The following DENND2D variants were observed in gnomAD, a reference collection of about 807,000 sequenced individuals.
DENND2D encodes the protein DENN domain-containing protein 2D.
Under a neutral mutation model 59.8 loss-of-function variants are expected in DENND2D, and 37 were observed. The ratio of observed to expected loss-of-function variants is 0.62; its 90% confidence interval spans 0.48 to 0.81. The LOEUF (loss-of-function observed/expected upper bound fraction) is 0.81. Ranked by LOEUF, DENND2D falls within the 40% of genes least tolerant of loss-of-function variation. The probability of loss-of-function intolerance (pLI) is 0.00; values close to 1 mark genes in which losing one functional copy is unlikely to be tolerated. For synonymous variants in DENND2D, 219 were observed against 211.3 expected (o/e 1.04, Z -0.31); for missense variants, 525 against 579.7 (o/e 0.91, Z 0.97).
chr1:111,200,086 T>C, intron 1 of DENND2D: 1 of 549,092 alleles, frequency 1.8e-6, no homozygotes, highest in Non-Finnish European at 3.2e-6. Context: ...GGCCCCAGGG[T>C]ACCACAGAGA....
At position 111,195,933 on chromosome 1, in the gene DENND2D, G is replaced by A; in HGVS notation, c.628C>T (p.Pro210Ser). The change falls in exon 6 of 12, where the codon CCC (proline) becomes TCC (serine). Residue 210 changes from proline to serine, a missense_variant. Physicochemically the swap from Pro to Ser is moderately conservative, Grantham distance 74. This residue lies in a region of DENND2D where 47 missense variants were observed against 80.9 expected (regional missense o/e 0.58). Transcript: ENST00000357640. ...GKTVTLKSFI[P>S]DSGTEFISLT... is the part of the protein sequence containing the mutation. ...TAACCCACCTCAGTGCCTGAGTCGG[G>A]GATGAAGCTCTTGAGAGTGACAGTC... 1 of 1,614,086 alleles carries A rather than the reference G, an allele frequency of 6.2e-7. No individual in the cohort carries two copies. Among genetic ancestry groups the A allele is most frequent in the Non-Finnish European group, 8.5e-7 (1 of 1,180,012 alleles).
chr1:111,201,067 A>T (rs1000014248), upstream of DENND2D: 1 of 155,634 alleles, frequency 6.4e-6, no homozygotes, highest in African/African-American at 2.4e-5. Context: ...CACATGGCCA[A>T]ACACTTTCTG....
rs533811271 is a variant in DENND2D, at chr1:111,197,572, G to C, written c.427-319C>G. 3.7e-6 allele frequency: 5 copies of C among 1,359,254 alleles called. No individual in the cohort carries two copies. In the South Asian group the frequency reaches 6.8e-5, roughly 19 times the overall value. 84.2% of individuals were successfully genotyped at this position (1,359,254 alleles called of 1,614,324 possible). A position where few individuals can be genotyped will look rare whatever the true frequency, so the allele number is the denominator to read the frequency against. On this transcript the variant is annotated intron_variant, in intron 4 of 11. Coordinates refer to ENST00000357640, the MANE Select transcript of DENND2D (RefSeq NM_024901.5). The stretch of plus-strand genomic sequence containing the variant: ...AAGGTGACTTGGGGAATCCTCCTGA[G>C]ACCTAAGATTTGAAACTAATTGTCC...
chr1:111,189,442 T>C lies in DENND2D; in HGVS notation c.973-189A>G, dbSNP rs1025137715. The C allele has an allele frequency of 8.1e-6, 5 of 616,016 alleles. No homozygotes were observed. In the African/African-American group the frequency reaches 9.3e-5, roughly 11 times the overall value. The allele number at this position is 616,016 out of a possible 1,614,324, so 38.2% of individuals were successfully genotyped here. On this transcript the variant is annotated intron_variant, in intron 8 of 11. Transcript: ENST00000357640. ...TTCCCCTCTGGAGATCTCAGTTCCA[T>C]TCCTGAGGAAAGGGTGTGGGTGTTT...
intron 1 of DENND2D, 198 bp from the exon 2 acceptor site, chr1:111,199,996 C>A (rs528923994): frequency 1.3e-4 from 83 of 658,400 alleles, no homozygotes; most frequent in African/African-American, 1.2e-3. Context: ...AGACTTGAAA[C>A]CATGGGGAGC....
At chr1:111,196,175 G>A in intron 5 of DENND2D, 119 bp from the exon 6 acceptor site, 3 of 1,307,488 alleles carry the variant, frequency 2.3e-6, no homozygotes, top group Non-Finnish European at 2.0e-6. Flanking sequence ...TGATCCTCAT[G>A]TATCTTCTAG....
chr1:111,203,375 C>T (rs1658995298), upstream of DENND2D, among the ~76,000 whole-genome samples: 1 of 152,202 alleles, frequency 6.6e-6, no homozygotes, highest in Admixed American at 6.5e-5. Flanking sequence ...TTGGAAAGGG[C>T]AGGTTGTCTG....
chr1:111,187,386 C>G lies in DENND2D; in HGVS notation c.*219G>C, dbSNP rs1657318584. The G allele has an allele frequency of 1.8e-6, 1 of 554,434 alleles. No homozygotes were observed. Among genetic ancestry groups the G allele is most frequent in the Admixed American group, 3.1e-5 (1 of 32,622 alleles). The allele number at this position is 554,434 out of a possible 1,614,324, so 34.3% of individuals were successfully genotyped here. A position where few individuals can be genotyped will look rare whatever the true frequency, so the allele number is the denominator to read the frequency against. On this transcript the variant is annotated 3_prime_UTR_variant, in exon 12 of 12. Transcript: ENST00000357640. Reference sequence around the variant, plus strand: ...TCTGCAAAAAATGGAGCTCTGAGCCCAGTTCTGTGAGCATGGTGTCAGAGC... The same window carrying G: ...TCTGCAAAAAATGGAGCTCTGAGCCGAGTTCTGTGAGCATGGTGTCAGAGC...
In DENND2D at chr1:111,192,253, A is replaced by G; in HGVS notation, c.859T>C (p.Tyr287His). 1 of 1,614,034 alleles carries G rather than the reference A, an allele frequency of 6.2e-7. No individual in the cohort carries two copies. Among genetic ancestry groups the G allele is most frequent in the Non-Finnish European group, 8.5e-7 (1 of 1,179,936 alleles). Residue 287 changes from tyrosine (Y) to histidine (H), a missense_variant, in exon 8 of 12, where the codon TAC becomes CAC. Physicochemically the swap from Tyr to His is moderately conservative, Grantham distance 83. This residue lies in a region of DENND2D where 225 missense variants were observed against 252.4 expected (regional missense o/e 0.89). Transcript: ENST00000357640. ...AGGCTCTCAGGGACAACAGGGATGT[A>G]GGTGTGCGCCCAGCTGAAGGGGTAG... is the stretch of plus-strand genomic sequence containing the variant. The part of the protein sequence containing the change: ...LLYPFSWAHT[Y>H]IPVVPESLLA...
chr1:111,189,132 T>A lies in DENND2D; in HGVS notation c.1014+80A>T. The A allele has an allele frequency of 3.3e-6, 5 of 1,511,322 alleles. No individual in the cohort carries two copies. The South Asian group carries it at 5.7e-5, about 17-fold the overall frequency. 93.6% of individuals were successfully genotyped at this position (1,511,322 alleles called of 1,614,324 possible). The stretch of plus-strand genomic sequence containing the variant: ...CTCAACAAAGAACTTAAATGTTTGT[T>A]TAAATAAGTGGAACATGGATGAAAC... On this transcript the variant is annotated intron_variant, in intron 9 of 11. Transcript: ENST00000357640.
upstream of DENND2D, among the ~76,000 whole-genome samples, chr1:111,202,720 C>CACACACACACAT (rs1325806213): frequency 1.9e-3 from 286 of 151,904 alleles, no homozygotes; most frequent in African/African-American, 6.7e-3. Context: ...CACACACACA[C>CACACACACACAT]ACACACTCCC....
intron 8 of DENND2D, 58 bp downstream of exon 8, chr1:111,192,082 G>A: frequency 6.9e-7 from 1 of 1,448,462 alleles, no homozygotes; most frequent in Non-Finnish European, 9.3e-7. Flanking sequence ...AGCAGAGCTG[G>A]GATCTGAATC....
chr1:111,204,552 G>A (rs971305065), upstream of DENND2D: 2 of 495,820 alleles, frequency 4.0e-6, no homozygotes, highest in Non-Finnish European at 6.6e-6. Context: ...CTCGCCCTGG[G>A]CAGGGCAGCG....
chr1:111,204,381 C>T (rs1210617051), upstream of DENND2D: 2 of 1,382,280 alleles, frequency 1.4e-6, no homozygotes, highest in South Asian at 1.6e-5. Context: ...GCTCCCGCTC[C>T]CAGCTCCGCG....
At position 111,187,693 on chromosome 1, in the gene DENND2D, A is replaced by G; in HGVS notation, c.1340-12T>C. ...CTGTTGGAAATAGCCTGTGGGTTCA[A>G]ATACAGGTGTTAGAGGCATCTGATC... On this transcript the variant is annotated splice_polypyrimidine_tract_variant and intron_variant, in intron 11 of 11. Coordinates refer to ENST00000357640, the MANE Select transcript of DENND2D (RefSeq NM_024901.5). 1 of 1,608,370 alleles carries G rather than the reference A, an allele frequency of 6.2e-7. No individual in the cohort carries two copies. The highest frequency in any genetic ancestry group is 8.5e-7 in the Non-Finnish European group (1 of 1,175,194).
chr1:111,200,293 G>T (rs1370039066), intron 1 of DENND2D, 100 bp downstream of exon 1: 1 of 1,488,726 alleles, frequency 6.7e-7, no homozygotes, highest in Non-Finnish European at 9.1e-7. Flanking sequence ...TGTGGAGGCC[G>T]AGATATAAAG....
chr1:111,190,555 G>A (rs1396890932), intron 8 of DENND2D, among the ~76,000 whole-genome samples: 2 of 152,212 alleles, frequency 1.3e-5, no homozygotes, highest in South Asian at 4.1e-4. Flanking sequence ...CTAACACTGG[G>A]TCCACATTTC....
chr1:111,193,598 C>T (rs1657966027), intron 7 of DENND2D, among the ~76,000 whole-genome samples: 1 of 152,192 alleles, frequency 6.6e-6, no homozygotes, highest in Non-Finnish European at 1.5e-5. Flanking sequence ...GTTTCCTTTC[C>T]TCTGAAACCC....
chr1:111,199,658 C>T lies in DENND2D; in HGVS notation c.208G>A (p.Asp70Asn). The change falls in exon 2 of 12, where the codon GAT (aspartate) becomes AAT (asparagine). Residue 70 changes from aspartate to asparagine, a missense_variant. Transcript: ENST00000357640. ...TGGTAGGTGATTATAGGCTCGTAAT[C>T]ATCCTCTGAACGCTTCTTTTTGAGA... ...VSLKKKRSED[D>N]YEPIITYQFP... 1 of 1,614,032 alleles carries T rather than the reference C, an allele frequency of 6.2e-7. No individual in the cohort carries two copies. The highest frequency in any genetic ancestry group is 1.6e-4 in the Middle Eastern group (1 of 6,062).
Sources: allele counts gnomAD v4.1 joint callset (sites outside exome capture counted in the v4.1 genomes callset), GRCh38; gene constraint gnomAD v4.1.1; regional missense constraint gnomAD v4.1.1; transcripts MANE v1.5; gene names NCBI Gene and HGNC (gene_info 2026-07-23, HGNC 2026-07-21).